The following CADM2 variants were observed in gnomAD, a reference collection of about 807,000 sequenced individuals.
The protein encoded by CADM2 is immunoglobulin superfamily member 4D.
Under a neutral mutation model 49.8 loss-of-function variants are expected in CADM2, and 12 were observed. The observed-to-expected ratio is 0.24, with a 90% CI of 0.15 to 0.39. The LOEUF is 0.39. CADM2 is among the 10% of genes least tolerant of loss of function. The pLI is 1.00. For missense variants in CADM2, 378 were observed against 492.3 expected (o/e 0.77, Z 2.20); for synonymous variants, 214 against 175.4 (o/e 1.22, Z -1.74).
intron 1 of CADM2, among the ~76,000 whole-genome samples, chr3:85,356,988 C>A (rs934214382): frequency 6.6e-6 from 1 of 152,014 alleles, no homozygotes; most frequent in African/African-American, 2.4e-5. Context: ...TTAGTTGGTA[C>A]CAGTTATTCT....
At chr3:85,012,221 G>A (rs1305183735) in intron 1 of CADM2, among the ~76,000 whole-genome samples, 2 of 151,386 alleles carry the variant, frequency 1.3e-5, no homozygotes, top group Non-Finnish European at 2.9e-5. Context: ...TAGTTGATGG[G>A]TACTTTGGCT....
intron 1 of CADM2, among the ~76,000 whole-genome samples, chr3:84,974,510 C>CA (rs2031683521): frequency 1.3e-5 from 2 of 149,960 alleles, no homozygotes; most frequent in South Asian, 4.2e-4. Flanking sequence ...GTCAGAGATG[C>CA]ATACATGTTT....
At chr3:85,480,962 A>G (rs957641706) in intron 1 of CADM2, among the ~76,000 whole-genome samples, 1 of 151,690 alleles carries the variant, frequency 6.6e-6, no homozygotes, top group Non-Finnish European at 1.5e-5. Context: ...TGATAAGAAT[A>G]CATTTTTCTC....
chr3:85,270,215 C>A (rs1457399057), intron 1 of CADM2, among the ~76,000 whole-genome samples: 2 of 151,140 alleles, frequency 1.3e-5, no homozygotes, highest in East Asian at 1.9e-4. Flanking sequence ...TAATAAAATT[C>A]ATAATTAAAT....
At chr3:85,291,284 T>G (rs1443198294) in intron 1 of CADM2, among the ~76,000 whole-genome samples, 1 of 151,740 alleles carries the variant, frequency 6.6e-6, no homozygotes, top group African/African-American at 2.4e-5. Context: ...AATATGGGAC[T>G]ATGAGAAAAG....
intron 3 of CADM2, among the ~76,000 whole-genome samples, chr3:85,860,091 C>T (rs1408383092): frequency 6.6e-6 from 1 of 151,956 alleles, no homozygotes; most frequent in Non-Finnish European, 1.5e-5. Context: ...CCTGTGACAT[C>T]TATATATAAT....
chr3:85,550,831 C>T (rs2061784328), intron 1 of CADM2, among the ~76,000 whole-genome samples: 1 of 152,148 alleles, frequency 6.6e-6, no homozygotes, highest in Admixed American at 6.5e-5. Context: ...TGATTTCCAG[C>T]CACAGGCCAT....
At chr3:85,749,554 C>T (rs1371689360) in intron 2 of CADM2, among the ~76,000 whole-genome samples, 1 of 151,774 alleles carries the variant, frequency 6.6e-6, no homozygotes, top group African/African-American at 2.4e-5. Flanking sequence ...CGGGATATAT[C>T]TGTATCTTGG....
intron 8 of CADM2, among the ~76,000 whole-genome samples, chr3:85,995,894 CCTGG>C (rs1729345690): frequency 6.6e-6 from 1 of 151,906 alleles, no homozygotes; most frequent in Non-Finnish European, 1.5e-5. Flanking sequence ...TCAAGACCGT[CCTGG>C]CTAACCAGGT....
intron 1 of CADM2, among the ~76,000 whole-genome samples, chr3:85,014,560 G>C (rs567984959): frequency 2.6e-5 from 4 of 152,296 alleles, no homozygotes; most frequent in African/African-American, 9.6e-5. Context: ...CCATGAATGA[G>C]AGGAGACTAG....
chr3:85,323,445 C>T (rs1329165822), intron 1 of CADM2, among the ~76,000 whole-genome samples: 3 of 152,112 alleles, frequency 2.0e-5, no homozygotes, highest in African/African-American at 7.2e-5. Flanking sequence ...ATTTCCTTTG[C>T]TCTGTTATTA....
At chr3:85,616,751 G>T (rs949453791) in intron 1 of CADM2, among the ~76,000 whole-genome samples, 3 of 152,128 alleles carry the variant, frequency 2.0e-5, no homozygotes, top group African/African-American at 7.2e-5. Context: ...TATTGAAATA[G>T]ATTTTTGTAA....
intron 3 of CADM2, among the ~76,000 whole-genome samples, chr3:85,879,123 G>C (rs1012293005): frequency 1.3e-5 from 2 of 151,286 alleles, no homozygotes; most frequent in Non-Finnish European, 2.9e-5. Flanking sequence ...TCATTGTTTT[G>C]AAAAGGGGTT....
At chr3:85,914,488 C>A (rs899914307) in intron 6 of CADM2, among the ~76,000 whole-genome samples, 10 of 151,942 alleles carry the variant, frequency 6.6e-5, no homozygotes. Flanking sequence ...TTTTAAAGGA[C>A]CAGGATCAAC....
intron 1 of CADM2, among the ~76,000 whole-genome samples, chr3:85,156,813 A>G (rs2040140649): frequency 6.6e-6 from 1 of 152,186 alleles, no homozygotes. Context: ...ACTCCTATTC[A>G]ACATAGTGTT....
intron 1 of CADM2, among the ~76,000 whole-genome samples, chr3:85,400,919 C>G (rs2107438637): frequency 6.6e-6 from 1 of 152,220 alleles, no homozygotes; most frequent in African/African-American, 2.4e-5. Context: ...AGTTGTGAAT[C>G]AGTTGTGTTG....
At chr3:85,661,281 A>G (rs1193544270) in intron 1 of CADM2, among the ~76,000 whole-genome samples, 1 of 152,118 alleles carries the variant, frequency 6.6e-6, no homozygotes, top group East Asian at 1.9e-4. Flanking sequence ...ATGGCTGGCA[A>G]CAGATGATTA....
intron 1 of CADM2, among the ~76,000 whole-genome samples, chr3:85,504,017 G>T (rs932296124): frequency 2.0e-5 from 3 of 152,184 alleles, no homozygotes; most frequent in Non-Finnish European, 4.4e-5. Context: ...ATAGATAATA[G>T]AAAATATTGT....
rs57254550 is a variant in CADM2 at position 85,364,867 on chromosome 3, T to TACAACA, written c.62-361620_62-361615dup. Among the ~76,000 whole-genome samples, 822 of 147,304 alleles carry TACAACA rather than the reference T, an allele frequency of 5.6e-3. 11 individuals carry two copies. The highest frequency in any genetic ancestry group is 0.021 in the African/African-American group (772 of 37,642). Reference sequence around the variant, plus strand: ...TTGTTCTGGATCATATGCTTGTTCCTACAACAACAACAACAACAACAACAA... The same window carrying TACAACA: ...TTGTTCTGGATCATATGCTTGTTCCTACAACAACAACAACAACAACAACAACAACAA... On this transcript the variant is annotated intron_variant, in intron 1 of 9. Transcript: ENST00000383699.
Sources: gnomAD v4.1 joint callset for allele counts (sites outside exome capture counted in the v4.1 genomes callset) on GRCh38, gnomAD v4.1.1 for gene constraint, MANE v1.5 for transcripts, NCBI Gene and HGNC (gene_info 2026-07-23, HGNC 2026-07-21) for gene names.